PRKCA: variants seen among roughly 807,000 people sequenced by gnomAD.
PRKCA encodes the protein protein kinase C alpha type.
A neutral mutation model predicts 87.0 loss-of-function variants in PRKCA; 27 were observed. The ratio of observed to expected loss-of-function variants is 0.31; its 90% CI spans 0.23 to 0.43. The LOEUF (loss-of-function observed/expected upper bound fraction) is 0.43. Among genes scored for constraint, PRKCA ranks in the 20% least tolerant of loss-of-function variants. The pLI is 1.00. For missense variants in PRKCA, 518 were observed against 852.3 expected (o/e 0.61, Z 4.88); for synonymous variants, 329 against 311.1 (o/e 1.06, Z -0.61).
intron 8 of PRKCA, among the ~76,000 whole-genome samples, chr17:66,727,018 C>T (rs913572022): frequency 5.3e-5 from 8 of 152,298 alleles, no homozygotes; most frequent in Middle Eastern, 3.4e-3. Flanking sequence ...GCCACCGTGC[C>T]TGGCTTCTGC....
rs1044270958 is a variant in PRKCA at position 66,689,641 on chromosome 17, TCTC to T, written c.918+601_918+603del. On this transcript the variant is annotated intron_variant, in intron 8 of 16. Transcript: ENST00000413366. The surrounding 1 kb of genome is among the most constrained non-coding windows in gnomAD (Gnocchi z 4.1). Reference sequence around the variant, plus strand: ...TCCCGGATTCACTGGTCTTTTTACTTCTCCTCCTCTGCTCCTTACTCCTCTTTT... The same window carrying T: ...TCCCGGATTCACTGGTCTTTTTACTTCTCCTCTGCTCCTTACTCCTCTTTT... Among the ~76,000 whole-genome samples the T allele has an allele frequency of 5.3e-5, 8 of 152,164 alleles. No homozygotes were observed. Among genetic ancestry groups the T allele is most frequent in the African/African-American group, 1.9e-4 (8 of 41,424 alleles).
chr17:66,353,527 C>A (rs907558802), intron 2 of PRKCA, among the ~76,000 whole-genome samples: 12 of 152,040 alleles, frequency 7.9e-5, no homozygotes, highest in African/African-American at 2.9e-4. Context: ...ACCAGCCTGG[C>A]CAACATGGTG....
rs1344557256 is a variant in PRKCA, at chr17:66,393,843, G to A, written c.205+87716G>A. On this transcript the variant is annotated intron_variant, in intron 2 of 16. Coordinates refer to ENST00000413366, the MANE Select transcript of PRKCA (RefSeq NM_002737.3). Reference sequence around the variant, plus strand: ...AATTCCAGCACTTTCGGAAGCCAACGTGGGCAGATTACTTGAGGTCAGGAG... The same window carrying A: ...AATTCCAGCACTTTCGGAAGCCAACATGGGCAGATTACTTGAGGTCAGGAG... 1.1e-4 allele frequency among the ~76,000 whole-genome samples: 16 copies of A among 152,216 alleles called. No homozygotes were observed. The South Asian group carries it at 2.5e-3, about 24-fold the overall frequency.
intron 8 of PRKCA, among the ~76,000 whole-genome samples, chr17:66,709,685 T>C (rs932749530): frequency 3.3e-5 from 5 of 152,166 alleles, no homozygotes; most frequent in African/African-American, 1.2e-4. Context: ...AGATAGGTTT[T>C]TTTTTTTCCC....
intron 13 of PRKCA, among the ~76,000 whole-genome samples, chr17:66,753,200 C>G (rs896681208): frequency 2.0e-5 from 3 of 152,236 alleles, no homozygotes; most frequent in Non-Finnish European, 4.4e-5. Context: ...CCAGGCTGGG[C>G]TCTCCTTATA....
At chr17:66,746,585 C>T (rs1568010198) in intron 13 of PRKCA, among the ~76,000 whole-genome samples, 1 of 152,168 alleles carries the variant, frequency 6.6e-6, no homozygotes, top group Non-Finnish European at 1.5e-5. Flanking sequence ...AAAGCGGAGG[C>T]TTAAGTATTT....
chr17:66,345,470 G>A (rs764201274), intron 2 of PRKCA, among the ~76,000 whole-genome samples: 57 of 152,220 alleles, frequency 3.7e-4, no homozygotes, highest in Admixed American at 1.5e-3. Context: ...AAGGAAATCC[G>A]TGTCATCCCG....
At chr17:66,759,243 G>A (rs556540624) in intron 13 of PRKCA, among the ~76,000 whole-genome samples, 3 of 151,730 alleles carry the variant, frequency 2.0e-5, no homozygotes, top group African/African-American at 7.2e-5. Context: ...GTAGTCCCAG[G>A]TACTCGGGAG....
chr17:66,697,549 G>A (rs1443581556), intron 8 of PRKCA, among the ~76,000 whole-genome samples: 2 of 152,184 alleles, frequency 1.3e-5, no homozygotes, highest in East Asian at 3.8e-4. Flanking sequence ...CTTCTAAGGG[G>A]GAAAGCAAGA....
chr17:66,770,295 T>C (rs978371038), intron 13 of PRKCA, among the ~76,000 whole-genome samples: 3 of 152,240 alleles, frequency 2.0e-5, no homozygotes, highest in African/African-American at 7.2e-5. Flanking sequence ...TATGATAGGA[T>C]GTTTAAAAGT....
At chr17:66,660,317 A>G (rs554002023) in intron 5 of PRKCA, among the ~76,000 whole-genome samples, 1 of 152,240 alleles carries the variant, frequency 6.6e-6, no homozygotes, top group Admixed American at 6.5e-5. Context: ...GTTATCTTTA[A>G]TTTCTACAGA....
At chr17:66,489,891 C>T (rs1916160612) in intron 2 of PRKCA, among the ~76,000 whole-genome samples, 1 of 151,990 alleles carries the variant, frequency 6.6e-6, no homozygotes, top group South Asian at 2.1e-4. Flanking sequence ...AGCCGTCCTC[C>T]TGCCTCAGCC....
chr17:66,664,669 T>C lies in PRKCA; in HGVS notation c.529+19158T>C, dbSNP rs2143918418. Among the ~76,000 whole-genome samples, 3 of 145,992 alleles carry C rather than the reference T, an allele frequency of 2.1e-5. 1 individual carries two copies. The East Asian group carries it at 6.0e-4, about 29-fold the overall frequency. On this transcript the variant is annotated intron_variant, in intron 5 of 16. Coordinates refer to ENST00000413366, the MANE Select transcript of PRKCA (RefSeq NM_002737.3). Reference sequence around the variant, plus strand: ...TTGGTTTTTTTTTTTTTTTTTTTTTTTTTTGGCAATGTCTTGCTGTTTCAC... The same window carrying C: ...TTGGTTTTTTTTTTTTTTTTTTTTTCTTTTGGCAATGTCTTGCTGTTTCAC...
intron 2 of PRKCA, among the ~76,000 whole-genome samples, chr17:66,451,949 G>A (rs1914345319): frequency 6.6e-6 from 1 of 152,182 alleles, no homozygotes; most frequent in African/African-American, 2.4e-5. Flanking sequence ...CAATCTAACT[G>A]TCCAGAAAAT....
At chr17:66,751,726 C>A (rs1226756960) in intron 13 of PRKCA, among the ~76,000 whole-genome samples, 1 of 152,158 alleles carries the variant, frequency 6.6e-6, no homozygotes, top group Non-Finnish European at 1.5e-5. Context: ...CTCCTATGCC[C>A]CTGCCACCCT....
intron 13 of PRKCA, among the ~76,000 whole-genome samples, chr17:66,744,014 C>G (rs2144241433): frequency 6.6e-6 from 1 of 152,116 alleles, no homozygotes; most frequent in Non-Finnish European, 1.5e-5. Flanking sequence ...ACTGAAGTGC[C>G]TAATACAACA....
chr17:66,343,963 C>T (rs1907202073), intron 2 of PRKCA, among the ~76,000 whole-genome samples: 1 of 151,968 alleles, frequency 6.6e-6, no homozygotes, highest in Non-Finnish European at 1.5e-5. Flanking sequence ...TGGGCCCCAT[C>T]CCTCCCTAAC....
chr17:66,423,162 C>T (rs1281849903), intron 2 of PRKCA, among the ~76,000 whole-genome samples: 1 of 151,984 alleles, frequency 6.6e-6, no homozygotes, highest in Non-Finnish European at 1.5e-5. Context: ...GAACTCTGGA[C>T]TCTGTTAGCA....
Position 66,781,885 on chromosome 17 carries a change from A to AGTGTG in PRKCA, c.1606-4982_1606-4981insGTGTG, listed in dbSNP as rs879505250. 2.5e-3 allele frequency among the ~76,000 whole-genome samples: 324 copies of AGTGTG among 131,442 alleles called. 1 individual carries two copies. The highest frequency in any genetic ancestry group is 0.019 in the Middle Eastern group (5 of 270). 86.2% of individuals were successfully genotyped at this position (131,442 alleles called of 152,430 possible). Reference sequence around the variant, plus strand: ...GAGAGAGAGATATATATATATATATATAGTGTGTGTGTGTGTGTGTGTGTG... The same window carrying AGTGTG: ...GAGAGAGAGATATATATATATATATAGTGTGTAGTGTGTGTGTGTGTGTGTGTGTG... On this transcript the variant is annotated intron_variant, in intron 14 of 16. Transcript: ENST00000413366.
Sources: gnomAD v4.1 joint callset for allele counts (sites outside exome capture counted in the v4.1 genomes callset) on GRCh38, gnomAD v4.1.1 for gene constraint, Gnocchi (gnomAD v3.1) non-coding constraint, MANE v1.5 for transcripts, NCBI Gene and HGNC (gene_info 2026-07-23, HGNC 2026-07-21) for gene names.